The following ZNF624 variants were observed in gnomAD, a reference collection of about 807,000 sequenced individuals.
The protein encoded by ZNF624 is zinc finger protein 624.
In ZNF624, 43 loss-of-function variants were observed where a neutral mutation model predicts 74.7. That is an observed-to-expected ratio of 0.58 (90% CI 0.45 to 0.74). ZNF624 has a LOEUF of 0.74. Ranked by LOEUF, ZNF624 falls within the 30% of genes least tolerant of loss-of-function variation. The pLI is 0.00. For missense variants in ZNF624, 820 were observed against 1,030.0 expected (o/e 0.80, Z 2.79); for synonymous variants, 331 against 341.3 (o/e 0.97, Z 0.33).
intron 5 of ZNF624, 68 bp from the exon 6 acceptor site, chr17:16,624,577 A>G (rs1909019560): frequency 7.7e-7 from 1 of 1,300,816 alleles, no homozygotes; most frequent in Non-Finnish European, 1.1e-6. Flanking sequence ...TAAACAGAAT[A>G]ATAAAAGCAA....
At chr17:16,617,764 C>A, downstream of ZNF624, 1 of 1,608,508 alleles carries the variant, frequency 6.2e-7, no homozygotes, top group Admixed American at 1.7e-5. Flanking sequence ...TCGAACTCCA[C>A]GAAGCCGTAG....
rs1190880019 is a variant in ZNF624 at position 16,622,365 on chromosome 17, A to G, written c.2521T>C (p.Cys841Arg). Reference protein sequence around the residue: ...TGEKPYKCNECGKAFRSSSSL... With the variant: ...TGEKPYKCNERGKAFRSSSSL... ...GAACTACTCCTGAAGGCTTTTCCACATTCATTACATTTATAGGGTTTTTCT... is the reference window on the plus strand; with the variant it reads ...GAACTACTCCTGAAGGCTTTTCCACGTTCATTACATTTATAGGGTTTTTCT... Residue 841 changes from cysteine (C) to arginine (R), a missense_variant, in exon 6 of 6, where the codon TGT becomes CGT. By Grantham distance (180) the Cys-to-Arg change is radical (BLOSUM62 -3). Coordinates refer to ENST00000311331, the MANE Select transcript of ZNF624 (RefSeq NM_020787.4). The G allele has an allele frequency of 6.2e-7, 1 of 1,613,568 alleles. No individual in the cohort carries two copies. Among genetic ancestry groups the G allele is most frequent in the Admixed American group, 1.7e-5 (1 of 59,948 alleles).
At chr17:16,630,624 A>G (rs766549222) in intron 5 of ZNF624, among the ~76,000 whole-genome samples, 1 of 152,202 alleles carries the variant, frequency 6.6e-6, no homozygotes, top group Non-Finnish European at 1.5e-5. Flanking sequence ...AATACACAGA[A>G]AGTGAAAGTT....
intron 3 of ZNF624, among the ~76,000 whole-genome samples, chr17:16,636,372 T>C (rs1471008519): frequency 6.6e-6 from 1 of 152,158 alleles, no homozygotes; most frequent in Non-Finnish European, 1.5e-5. Flanking sequence ...TTTTAGCTAA[T>C]GAATGAAGAA....
At chr17:16,638,177 C>G (rs1909379372) in intron 3 of ZNF624, among the ~76,000 whole-genome samples, 1 of 152,170 alleles carries the variant, frequency 6.6e-6, no homozygotes, top group Non-Finnish European at 1.5e-5. Context: ...CCATCTCACA[C>G]CAGTTAGGAT....
rs566524381 is a variant in ZNF624, at chr17:16,644,050, T to C, written c.153+3279A>G. 4.6e-5 allele frequency among the ~76,000 whole-genome samples: 7 copies of C among 152,264 alleles called. No homozygotes were observed. The South Asian group carries it at 1.0e-3, about 23-fold the overall frequency. ...TGAAAGCTGGCTGTTAAAAAGAGCA[T>C]GGCCCCTCCCCTCTCCCTCTCTTGC... On this transcript the variant is annotated intron_variant, in intron 3 of 5. Coordinates refer to ENST00000311331, the MANE Select transcript of ZNF624 (RefSeq NM_020787.4).
chr17:16,649,568 G>C, intron 2 of ZNF624, 90 bp downstream of exon 2: 5 of 1,165,656 alleles, frequency 4.3e-6, no homozygotes, highest in Non-Finnish European at 6.4e-6. Context: ...AAGGGGTGTC[G>C]GGGGAAGTAG....
intron 1 of ZNF624, among the ~76,000 whole-genome samples, chr17:16,653,306 AGCCAGAGCGGAT>A (rs147199487): frequency 0.074 from 11,249 of 152,314 alleles, 573 homozygotes; most frequent in Middle Eastern, 0.19. Flanking sequence ...CCAGTTCAGA[AGCCAGAGCGGAT>A]ATGCTCCTGC....
downstream of ZNF624, chr17:16,616,938 C>T (rs1323399223): frequency 6.4e-7 from 1 of 1,566,530 alleles, no homozygotes; most frequent in African/African-American, 1.4e-5. Context: ...GTGGAGGGGA[C>T]ACAGAGCGGG....
intron 3 of ZNF624, among the ~76,000 whole-genome samples, chr17:16,644,314 T>C (rs1909536695): frequency 6.6e-6 from 1 of 152,202 alleles, no homozygotes; most frequent in African/African-American, 2.4e-5. Context: ...TGAAAGTAAA[T>C]TCACTTAAGT....
chr17:16,651,577 A>C (rs1909725789), intron 1 of ZNF624, among the ~76,000 whole-genome samples: 1 of 152,180 alleles, frequency 6.6e-6, no homozygotes, highest in Non-Finnish European at 1.5e-5. Context: ...TGGAGATAAA[A>C]GAGGTAAAGA....
At chr17:16,640,244 G>A (rs988299123) in intron 3 of ZNF624, among the ~76,000 whole-genome samples, 1 of 152,134 alleles carries the variant, frequency 6.6e-6, no homozygotes, top group East Asian at 1.9e-4. Context: ...ATAATTCAAC[G>A]GTAGTAGCTG....
rs376552062 is a variant in ZNF624, at chr17:16,622,780, T to C, written c.2106A>G (p.Gly702=). The part of the protein sequence containing the change: ...GEKPYKCNEC[G]KVFTSNSGFN... ...AGCCTGAGTTACTTGTGAAAACCTTTCCACATTCATTGCATTTATAGGGCT... is the reference window on the plus strand; with the variant it reads ...AGCCTGAGTTACTTGTGAAAACCTTCCCACATTCATTGCATTTATAGGGCT... The change falls in exon 6 of 6, where the codon GGA becomes GGG. Residue 702 remains glycine (G), a synonymous_variant. Transcript: ENST00000311331. 17 of 1,613,772 alleles carry C rather than the reference T, an allele frequency of 1.1e-5. No individual in the cohort carries two copies. Among genetic ancestry groups the C allele is most frequent in the Non-Finnish European group, 1.4e-5 (16 of 1,179,992 alleles).
chr17:16,622,224 A>G lies in ZNF624; in HGVS notation c.*64T>C. The G allele has an allele frequency of 1.6e-6, 2 of 1,279,852 alleles. No homozygotes were observed. The highest frequency in any genetic ancestry group is 1.9e-5 in the South Asian group (1 of 53,508). The allele number at this position is 1,279,852 out of a possible 1,614,324, so 79.3% of individuals were successfully genotyped here. A position where few individuals can be genotyped will look rare whatever the true frequency, so the allele number is the denominator to read the frequency against. On this transcript the variant is annotated 3_prime_UTR_variant, in exon 6 of 6. Transcript: ENST00000311331. ...TCCTAATGAAGATTTTCCTATATTC[A>G]TAAAATATAGTTTATAAGATTCATC...
intron 2 of ZNF624, among the ~76,000 whole-genome samples, chr17:16,648,114 CT>C (rs879396420): frequency 3.4e-5 from 5 of 145,826 alleles, no homozygotes; most frequent in East Asian, 2.0e-4. Context: ...TTTTTGTACT[CT>C]TTTTTTTTTG....
chr17:16,651,760 G>T (rs1220979458), intron 1 of ZNF624, among the ~76,000 whole-genome samples: 1 of 151,864 alleles, frequency 6.6e-6, no homozygotes, highest in Non-Finnish European at 1.5e-5. Flanking sequence ...TAACTAGAGG[G>T]GTCTCAAATC....
intron 5 of ZNF624, 63 bp downstream of exon 5, chr17:16,633,799 G>A (rs371858214): frequency 2.4e-6 from 3 of 1,271,842 alleles, no homozygotes; most frequent in African/African-American, 2.9e-5. Flanking sequence ...ATGTTCTGGT[G>A]AACATCCCCC....
intron 3 of ZNF624, among the ~76,000 whole-genome samples, chr17:16,644,185 A>G (rs1909533606): frequency 6.6e-6 from 1 of 152,214 alleles, no homozygotes; most frequent in Non-Finnish European, 1.5e-5. Context: ...TACAAACTGC[A>G]GAACTGTGAG....
chr17:16,616,792 C>G, downstream of ZNF624: 1 of 863,132 alleles, frequency 1.2e-6, no homozygotes, highest in Non-Finnish European at 1.8e-6. Flanking sequence ...GGAAGAGTAA[C>G]TGCCTAAGCA....
Sources: gnomAD v4.1 joint callset for allele counts (sites outside exome capture counted in the v4.1 genomes callset) on GRCh38, gnomAD v4.1.1 for gene constraint, MANE v1.5 for transcripts, NCBI Gene and HGNC (gene_info 2026-07-23, HGNC 2026-07-21) for gene names.